ATP7A: variants seen among roughly 807,000 people sequenced by gnomAD.
ATP7A encodes the protein ATPase copper transporting alpha.
Under a neutral mutation model 83.5 loss-of-function variants are expected in ATP7A, and 7 were observed. The observed-to-expected ratio is 0.08, with a 90% CI of 0.05 to 0.16. The LOEUF is 0.16. Among genes scored for constraint, ATP7A ranks in the 10% least tolerant of loss-of-function variants. ATP7A has a pLI of 1.00. For synonymous variants in ATP7A, 354 were observed against 395.2 expected (o/e 0.90, Z 1.24); for missense variants, 940 against 1,120.8 (o/e 0.84, Z 2.30).
intron 1 of ATP7A, among the ~76,000 whole-genome samples, chrX:77,966,462 A>G (rs1444237513): frequency 8.9e-6 from 1 of 112,675 alleles, no homozygotes; most frequent in Non-Finnish European, 1.9e-5. Context: ...AGTGAAAAGA[A>G]TGGAATACCG....
At chrX:77,935,881 A>T (rs2077317350) in intron 1 of ATP7A, among the ~76,000 whole-genome samples, 1 of 112,472 alleles carries the variant, frequency 8.9e-6, no homozygotes, top group Admixed American at 9.4e-5. Context: ...GTCCCCAAGG[A>T]ATGTTTGTTA....
intron 1 of ATP7A, among the ~76,000 whole-genome samples, chrX:77,935,532 A>G (rs2077315915): frequency 8.9e-6 from 1 of 112,293 alleles, no homozygotes; most frequent in African/African-American, 3.2e-5. Context: ...GCTGACTTTT[A>G]TAGAGATTTA....
At chrX:77,984,316 T>A (rs1433347476) in intron 2 of ATP7A, among the ~76,000 whole-genome samples, 1 of 110,731 alleles carries the variant, frequency 9.0e-6, no homozygotes, top group East Asian at 2.8e-4. Flanking sequence ...TAAATATTTG[T>A]TGAATACATA....
chrX:77,931,431 C>A (rs1569548848), intron 1 of ATP7A, among the ~76,000 whole-genome samples: 1 of 112,067 alleles, frequency 8.9e-6, no homozygotes, highest in Non-Finnish European at 1.9e-5. Context: ...ACAGACACGG[C>A]AACCATCCGA....
chrX:77,922,536 T>A (rs1353567985), intron 1 of ATP7A, among the ~76,000 whole-genome samples: 4 of 111,079 alleles, frequency 3.6e-5, no homozygotes, highest in Non-Finnish European at 7.6e-5. Flanking sequence ...GACACACATA[T>A]AATACCCTCC....
intron 14 of ATP7A, among the ~76,000 whole-genome samples, chrX:78,026,264 A>C (rs1557236319): frequency 8.9e-6 from 1 of 112,064 alleles, no homozygotes; most frequent in Non-Finnish European, 1.9e-5. Flanking sequence ...AATGGAAAAC[A>C]AAGAGCAGGG....
At chrX:78,029,485 A>C (rs782247413) in intron 15 of ATP7A, 41 bp downstream of exon 15, 1 of 1,122,104 alleles carries the variant, frequency 8.9e-7, no homozygotes, top group African/African-American at 1.8e-5. Context: ...CCACCAAACT[A>C]TCAATAGCAC....
chrX:78,011,264 G>A lies in ATP7A; in HGVS notation c.1946+12G>A. On this transcript the variant is annotated intron_variant, in intron 8 of 22. Coordinates refer to ENST00000341514, the MANE Select transcript of ATP7A (RefSeq NM_000052.7). ...CGAGAAATAAGACAGTAAGTACTTT[G>A]GAGTGTCAGTAAAAAACAGATTTTG... The A allele has an allele frequency of 8.3e-7, 1 of 1,201,573 alleles. No homozygotes were observed.
In ATP7A at chrX:78,012,983, C is replaced by T. The variant is rs1473914623; in HGVS notation, c.2277C>T (p.Ala759=). 4 of 1,211,016 alleles carry T rather than the reference C, an allele frequency of 3.3e-6. No homozygotes were observed. Among genetic ancestry groups the T allele is most frequent in the Non-Finnish European group, 4.5e-6 (4 of 895,006 alleles). ...LIVLATTIAF[A]YSLIILLVAM... is the part of the protein sequence containing the mutation. ...TGCTGGCAACCACCATTGCATTTGC[C>T]TACTCTTTGATTATTCTTCTAGTTG... is the stretch of plus-strand genomic sequence containing the variant. The change falls in exon 10 of 23, where the codon GCC becomes GCT. Residue 759 remains alanine, a synonymous_variant. Coordinates refer to ENST00000341514, the MANE Select transcript of ATP7A (RefSeq NM_000052.7).
rs1164635233 is a variant in ATP7A at position 78,048,158 on chromosome X, A to G, written c.*1588A>G. On this transcript the variant is annotated 3_prime_UTR_variant, in exon 23 of 23. Transcript: ENST00000341514. The stretch of plus-strand genomic sequence containing the variant: ...ATTTAGGAGCTTGTTCCCATTGCCA[A>G]ATGGATTTAGAAATTCCCTTGTGAG... The G allele has an allele frequency of 3.6e-5, 4 of 112,304 alleles. No individual in the cohort carries two copies. The highest frequency in any genetic ancestry group is 1.3e-4 in the African/African-American group (4 of 30,960). 9.3% of individuals were successfully genotyped at this position (112,304 alleles called of 1,213,427 possible). A position where few individuals can be genotyped will look rare whatever the true frequency, so the allele number is the denominator to read the frequency against.
chrX:77,934,421 A>C (rs894088790), intron 1 of ATP7A, among the ~76,000 whole-genome samples: 3 of 111,666 alleles, frequency 2.7e-5, no homozygotes, highest in Admixed American at 9.5e-5. Context: ...CTGTATCGAA[A>C]AAAAACCCTG....
intron 14 of ATP7A, among the ~76,000 whole-genome samples, chrX:78,028,202 T>G (rs1463950456): frequency 9.4e-6 from 1 of 106,923 alleles, no homozygotes; most frequent in Non-Finnish European, 1.9e-5. Context: ...TTTTTTTTTT[T>G]TTTGAGACCG....
chrX:77,912,140 C>T (rs2149037104), intron 1 of ATP7A, among the ~76,000 whole-genome samples: 1 of 111,407 alleles, frequency 9.0e-6, no homozygotes, highest in South Asian at 3.7e-4. Context: ...AAGGTCATGA[C>T]ATGAGAGAGT....
rs2077548318 is a variant in ATP7A, at chrX:77,971,735, A to C, written c.94A>C (p.Lys32Gln). Residue 32 changes from lysine (K) to glutamine (Q), a missense_variant, in exon 2 of 23, where the codon AAA becomes CAA. By Grantham distance (53) the Lys-to-Gln change is moderately conservative (BLOSUM62 1). This residue lies in a region of ATP7A where 350 missense variants were observed against 432.8 expected (regional missense o/e 0.81). Transcript: ENST00000341514. ...TTGGACCATTGAGCAGCAGATTGGA[A>C]AAGTGAATGGTGTGCATCACATTAA... ...CVWTIEQQIG[K>Q]VNGVHHIKVS... The C allele has an allele frequency of 8.3e-7, 1 of 1,211,611 alleles. No homozygotes were observed.
At chrX:78,026,877 G>A (rs1557236400) in intron 14 of ATP7A, among the ~76,000 whole-genome samples, 1 of 111,452 alleles carries the variant, frequency 9.0e-6, no homozygotes, top group Admixed American at 9.6e-5. Flanking sequence ...GGCCGGGCGC[G>A]GTGGCTCATG....
At chrX:77,977,742 G>A (rs1176109372) in intron 2 of ATP7A, among the ~76,000 whole-genome samples, 2 of 112,235 alleles carry the variant, frequency 1.8e-5, no homozygotes, top group South Asian at 3.6e-4. Context: ...AGCACTTTGT[G>A]TTGTCAACAG....
intron 12 of ATP7A, among the ~76,000 whole-genome samples, chrX:78,017,348 C>T (rs1029835481): frequency 3.6e-5 from 4 of 112,387 alleles, no homozygotes; most frequent in Non-Finnish European, 7.5e-5. Flanking sequence ...ATTTTTTCTC[C>T]TAGGCCTCAG....
rs782326318 is a variant in ATP7A, at chrX:77,989,351, G to A, written c.729G>A (p.Lys243=). ...CAGCATTTGTCAAAAAGCAGCCCAA[G>A]TACCTCAAATTGGGAGCTATTGATG... is the stretch of plus-strand genomic sequence containing the variant. ...GFPAFVKKQP[K]YLKLGAIDVE... Residue 243 remains lysine, a synonymous_variant, in exon 4 of 23, where the codon AAG becomes AAA. Transcript: ENST00000341514. The A allele has an allele frequency of 8.5e-5, 103 of 1,209,663 alleles. No homozygotes were observed. Among genetic ancestry groups the A allele is most frequent in the Non-Finnish European group, 1.1e-4 (102 of 895,105 alleles).
chrX:78,042,033 G>A (rs1021413416), intron 19 of ATP7A, among the ~76,000 whole-genome samples: 17 of 104,355 alleles, frequency 1.6e-4, no homozygotes, highest in African/African-American at 5.3e-4. Flanking sequence ...CAGGAGAATC[G>A]CTTGAACCAG....
Sources: allele counts gnomAD v4.1 joint callset (sites outside exome capture counted in the v4.1 genomes callset), GRCh38; gene constraint gnomAD v4.1.1; regional missense constraint gnomAD v4.1.1; transcripts MANE v1.5; gene names NCBI Gene and HGNC (gene_info 2026-07-23, HGNC 2026-07-21).